The following SCIN variants were observed in gnomAD, a reference collection of about 807,000 sequenced individuals.
SCIN encodes adseverin.
A neutral mutation model predicts 91.8 loss-of-function variants in SCIN; 91 were observed. That is an observed-to-expected ratio of 0.99 (90% CI 0.84 to 1.18). The LOEUF (loss-of-function observed/expected upper bound fraction) is 1.18, where lower values mean the gene tolerates loss of function less well. Ranked by LOEUF, SCIN falls within the 50% of genes most tolerant of loss-of-function variation. The pLI, the probability that SCIN is intolerant of heterozygous loss-of-function variation, is 0.00. For synonymous variants in SCIN, 367 were observed against 312.6 expected (o/e 1.17, Z -1.84); for missense variants, 1,087 against 863.9 (o/e 1.26, Z -3.24).
Position 12,573,310 on chromosome 7 carries a change from T to TAA in SCIN, c.199+2327_199+2328dup, listed in dbSNP as rs1782305971. On this transcript the variant is annotated intron_variant, in intron 1 of 15. Transcript: ENST00000297029. ...GAAATCAGCCGGAAGAAAGAGAAAC[T>TAA]AAAGTTAAACTGAGATGAAAAAAGG... Among the ~76,000 whole-genome samples the TAA allele has an allele frequency of 3.3e-5, 5 of 152,098 alleles. No individual in the cohort carries two copies. The South Asian group carries it at 1.0e-3, about 32-fold the overall frequency.
In SCIN at chr7:12,638,386, C is replaced by T. The variant is rs75384790; in HGVS notation, c.1411-1961C>T. On this transcript the variant is annotated intron_variant, in intron 10 of 15. Coordinates refer to ENST00000297029, the MANE Select transcript of SCIN (RefSeq NM_001112706.3). ...TGGCCAGTTTCTGAGAAGCCATCTG[C>T]TCCCATCTGGTGGGAAAAGCATCTT... 5.8e-3 allele frequency among the ~76,000 whole-genome samples: 880 copies of T among 152,272 alleles called. 9 individuals carry two copies. The highest frequency in any genetic ancestry group is 0.02 in the African/African-American group (844 of 41,546).
intron 3 of SCIN, chr7:12,589,611 C>A (rs1030467370): frequency 2.0e-5 from 3 of 152,196 alleles, no homozygotes; most frequent in Non-Finnish European, 4.4e-5. Flanking sequence ...TAAAAAGATA[C>A]ACAGGCCGCC....
At chr7:12,630,033 C>T (rs1335435383) in intron 9 of SCIN, among the ~76,000 whole-genome samples, 30 of 151,962 alleles carry the variant, frequency 2.0e-4, no homozygotes, top group East Asian at 1.9e-4. Context: ...GCAGGGCAGA[C>T]GCCTACCTTT....
Position 12,633,558 on chromosome 7 carries a change from G to C in SCIN, c.1320-2487G>C, listed in dbSNP as rs577810103. 4.6e-5 allele frequency among the ~76,000 whole-genome samples: 7 copies of C among 152,260 alleles called. No individual in the cohort carries two copies. In the South Asian group the frequency reaches 1.5e-3, roughly 32 times the overall value. ...GAAGTATTTGTTCAGGGTGTCATGA[G>C]GCAGAACTTAGTGATGTTTTGCAGG... is the stretch of plus-strand genomic sequence containing the variant. On this transcript the variant is annotated intron_variant, in intron 9 of 15. Coordinates refer to ENST00000297029, the MANE Select transcript of SCIN (RefSeq NM_001112706.3).
At chr7:12,648,745 G>A (rs969706560) in intron 13 of SCIN, among the ~76,000 whole-genome samples, 42 of 152,296 alleles carry the variant, frequency 2.8e-4, no homozygotes, top group African/African-American at 9.4e-4. Flanking sequence ...AGGATTGTGA[G>A]CAAATTGACT....
At position 12,622,839 on chromosome 7, in the gene SCIN, T is replaced by C. The variant is rs1783438146; in HGVS notation, c.705T>C (p.Asp235=). ...GEKPELPDGG[D]DDDIIADISN... is the part of the protein sequence containing the mutation. The stretch of plus-strand genomic sequence containing the variant: ...AGCCAGAGCTTCCAGATGGAGGTGA[T>C]GATGATGACATTATAGCAGACATAA... Residue 235 remains aspartate, a synonymous_variant, in exon 5 of 16, where the codon GAT becomes GAC. Transcript: ENST00000297029. 1.9e-6 allele frequency: 3 copies of C among 1,613,276 alleles called. No homozygotes were observed. The highest frequency in any genetic ancestry group is 2.5e-6 in the Non-Finnish European group (3 of 1,179,404).
intron 1 of SCIN, among the ~76,000 whole-genome samples, chr7:12,572,625 A>C (rs960252295): frequency 6.6e-6 from 1 of 152,206 alleles, no homozygotes; most frequent in Admixed American, 6.5e-5. Context: ...TTTTTATCCA[A>C]GTTGTCCTCT....
At chr7:12,613,161 T>A (rs1562615534) in intron 4 of SCIN, among the ~76,000 whole-genome samples, 1 of 152,278 alleles carries the variant, frequency 6.6e-6, no homozygotes, top group African/African-American at 2.4e-5. Context: ...GTTTCTATTC[T>A]ATCCTTTTAG....
chr7:12,640,938 C>G (rs1315031763), intron 11 of SCIN, among the ~76,000 whole-genome samples: 1 of 152,112 alleles, frequency 6.6e-6, no homozygotes. Flanking sequence ...CCACACTGGA[C>G]CAGAACCATA....
rs551729166 is a variant in SCIN at position 12,620,520 on chromosome 7, A to T, written c.667-2281A>T. ...AGGTTCATCCATGTTGTTGCAAATG[A>T]CAGGATTTCCTTGATCTAGAGTCAT... On this transcript the variant is annotated intron_variant, in intron 4 of 15. Transcript: ENST00000297029. Among the ~76,000 whole-genome samples the T allele has an allele frequency of 1.4e-4, 22 of 152,220 alleles. No homozygotes were observed. The South Asian group carries it at 4.6e-3, about 32-fold the overall frequency.
In SCIN at chr7:12,657,268, G is replaced by C. The variant is rs1414523667; in HGVS notation, c.*4553G>C. The C allele has an allele frequency of 7.3e-6, 1 of 137,334 alleles. No homozygotes were observed. The highest frequency in any genetic ancestry group is 2.7e-5 in the African/African-American group (1 of 36,476). 8.5% of individuals were successfully genotyped at this position (137,334 alleles called of 1,614,324 possible). On this transcript the variant is annotated 3_prime_UTR_variant, in exon 16 of 16. Coordinates refer to ENST00000297029, the MANE Select transcript of SCIN (RefSeq NM_001112706.3). ...GGTTCTCACTCTGTTGCCCAGGCTG[G>C]AGTACAGTAGCGATCTCTGCTCACT...
chr7:12,636,044 G>A lies in SCIN; in HGVS notation c.1320-1G>A, dbSNP rs1470564688. The A allele has an allele frequency of 6.2e-7, 1 of 1,610,738 alleles. No homozygotes were observed. On this transcript the variant is annotated splice_acceptor_variant, in intron 9 of 15. Coordinates refer to ENST00000297029, the MANE Select transcript of SCIN (RefSeq NM_001112706.3). LOFTEE classifies it high-confidence loss of function. ...AATTCGTTTCACTTTCATTCCTCTAGGCAAGGAGCAAATGCCACACGAGAT... is the reference window on the plus strand; with the variant it reads ...AATTCGTTTCACTTTCATTCCTCTAAGCAAGGAGCAAATGCCACACGAGAT...
At chr7:12,588,430 G>A (rs1782636281) in intron 3 of SCIN, among the ~76,000 whole-genome samples, 1 of 152,140 alleles carries the variant, frequency 6.6e-6, no homozygotes. Context: ...ATTGGAGAAT[G>A]GATGAGGGCG....
intron 4 of SCIN, among the ~76,000 whole-genome samples, chr7:12,608,975 C>G (rs894040183): frequency 2.6e-5 from 4 of 152,238 alleles, no homozygotes; most frequent in African/African-American, 9.6e-5. Context: ...TTAAAGTGCT[C>G]AACACTGAAA....
In SCIN at chr7:12,573,698, G is replaced by A. The variant is rs183895123; in HGVS notation, c.199+2713G>A. On this transcript the variant is annotated intron_variant, in intron 1 of 15. Transcript: ENST00000297029. ...CCAAATCAATGGGTAGGTCTAGATA[G>A]TAAAACTGCTCCCTGTCACATCCCT... Among the ~76,000 whole-genome samples, 76 of 152,258 alleles carry A rather than the reference G, an allele frequency of 5.0e-4. 1 individual carries two copies. In the East Asian group the frequency reaches 0.014, roughly 27 times the overall value.
chr7:12,623,005 C>T, intron 5 of SCIN, 112 bp downstream of exon 5: 2 of 613,562 alleles, frequency 3.3e-6, no homozygotes, highest in Non-Finnish European at 5.7e-6. Context: ...TCATTGCTCT[C>T]CAAGAGCAAT....
intron 2 of SCIN, among the ~76,000 whole-genome samples, chr7:12,579,836 C>T (rs1392741289): frequency 6.6e-6 from 1 of 152,162 alleles, no homozygotes; most frequent in African/African-American, 2.4e-5. Context: ...ATTGCTTGAA[C>T]CCAGGAGGCA....
Position 12,626,740 on chromosome 7 carries a change from A to G in SCIN, c.1138A>G (p.Ser380Gly). 9 of 1,610,064 alleles carry G rather than the reference A, an allele frequency of 5.6e-6. No individual in the cohort carries two copies. Among genetic ancestry groups the G allele is most frequent in the Non-Finnish European group, 7.6e-6 (9 of 1,178,182 alleles). ...QIPFDASKLH[S>G]SPQMAAQHNM... ...TCCCTTTGATGCCTCAAAATTACACAGTTCTCCGCAGATGGCAGCCCAGCA... is the reference window on the plus strand; with the variant it reads ...TCCCTTTGATGCCTCAAAATTACACGGTTCTCCGCAGATGGCAGCCCAGCA... The change falls in exon 8 of 16, where the codon AGT becomes GGT. Residue 380 changes from serine (S) to glycine (G), a missense_variant. Transcript: ENST00000297029.
intron 3 of SCIN, among the ~76,000 whole-genome samples, chr7:12,594,243 G>T (rs1184282077): frequency 1.3e-5 from 2 of 152,030 alleles, no homozygotes; most frequent in African/African-American, 4.8e-5. Context: ...TGATGCTCTG[G>T]TGGAGGATCA....
Sources: gnomAD v4.1 joint callset for allele counts (sites outside exome capture counted in the v4.1 genomes callset) on GRCh38, gnomAD v4.1.1 for gene constraint, MANE v1.5 for transcripts, NCBI Gene and HGNC (gene_info 2026-07-23, HGNC 2026-07-21) for gene names.